The following NLGN1 variants were observed in gnomAD, a reference collection of about 807,000 sequenced individuals.
NLGN1 encodes neuroligin-1.
A neutral mutation model predicts 65.5 loss-of-function variants in NLGN1; 12 were observed. That is an observed-to-expected ratio of 0.18 (90% CI 0.12 to 0.30). NLGN1 has a LOEUF of 0.30. Ranked by LOEUF, NLGN1 falls within the 10% of genes least tolerant of loss-of-function variation. The pLI is 1.00. For missense variants in NLGN1, 750 were observed against 1,007.1 expected (o/e 0.74, Z 3.46); for synonymous variants, 350 against 359.5 (o/e 0.97, Z 0.30).
chr3:173,972,620 G>A (rs144732121), intron 4 of NLGN1, among the ~76,000 whole-genome samples: 121 of 152,176 alleles, frequency 8.0e-4, no homozygotes, highest in Admixed American at 3.3e-3. Context: ...GGAGGAAAGA[G>A]CTAAAAGAAC....
intron 4 of NLGN1, among the ~76,000 whole-genome samples, chr3:173,867,882 G>C (rs1161415636): frequency 6.6e-6 from 1 of 152,018 alleles, no homozygotes; most frequent in African/African-American, 2.4e-5. Flanking sequence ...GCTTTTTGTT[G>C]TTGTTTGAAT....
chr3:173,898,936 C>A (rs766790351), intron 4 of NLGN1, among the ~76,000 whole-genome samples: 6 of 151,934 alleles, frequency 3.9e-5, no homozygotes, highest in Admixed American at 6.6e-5. Flanking sequence ...AACACCAAAA[C>A]AATAGCAATA....
chr3:173,700,588 T>G (rs1049033872), intron 3 of NLGN1, among the ~76,000 whole-genome samples: 6 of 152,248 alleles, frequency 3.9e-5, no homozygotes, highest in Non-Finnish European at 7.3e-5. Context: ...TACACATAAT[T>G]AAATGCCTGT....
At chr3:173,460,741 A>G (rs1489548936) in intron 2 of NLGN1, among the ~76,000 whole-genome samples, 1 of 152,116 alleles carries the variant, frequency 6.6e-6, no homozygotes, top group Non-Finnish European at 1.5e-5. Context: ...TGGTAAGGAA[A>G]TTGTAATTTG....
At chr3:173,608,056 A>G (rs1451070513) in intron 3 of NLGN1, among the ~76,000 whole-genome samples, 1 of 151,866 alleles carries the variant, frequency 6.6e-6, no homozygotes, top group Non-Finnish European at 1.5e-5. Context: ...AGAACTTATA[A>G]TCAAACAACT....
chr3:174,273,687 T>G (rs1749929339), intron 4 of NLGN1, among the ~76,000 whole-genome samples: 1 of 151,748 alleles, frequency 6.6e-6, no homozygotes, highest in Admixed American at 6.6e-5. Context: ...AACTTTAGTC[T>G]TAAGGAAAGT....
chr3:174,234,305 C>T (rs1022356998), intron 4 of NLGN1, among the ~76,000 whole-genome samples: 2 of 152,116 alleles, frequency 1.3e-5, no homozygotes, highest in South Asian at 2.1e-4. Context: ...TGGGGTTTTA[C>T]GTGTCGGCAT....
intron 3 of NLGN1, among the ~76,000 whole-genome samples, chr3:173,704,536 T>G (rs2149901460): frequency 6.6e-6 from 1 of 152,312 alleles, no homozygotes; most frequent in East Asian, 1.9e-4. Flanking sequence ...GAGACCCAAC[T>G]GGTGAGATCT....
intron 4 of NLGN1, among the ~76,000 whole-genome samples, chr3:173,937,853 A>G (rs1560676451): frequency 6.6e-6 from 1 of 152,192 alleles, no homozygotes; most frequent in East Asian, 1.9e-4. Flanking sequence ...GAAGATATAC[A>G]TTAGTGTTTA....
At chr3:173,413,315 T>A (rs1489019074) in intron 1 of NLGN1, among the ~76,000 whole-genome samples, 1 of 152,146 alleles carries the variant, frequency 6.6e-6, no homozygotes, top group Admixed American at 6.5e-5. Context: ...AAAATGAGAC[T>A]TCTCGGCCGG....
chr3:173,881,677 C>T (rs966317697), intron 4 of NLGN1, among the ~76,000 whole-genome samples: 7 of 151,682 alleles, frequency 4.6e-5, no homozygotes, highest in South Asian at 2.1e-4. Flanking sequence ...CCACCCACCT[C>T]GGCCTCCCAA....
At chr3:173,899,735 T>C (rs543479021) in intron 4 of NLGN1, among the ~76,000 whole-genome samples, 1 of 152,244 alleles carries the variant, frequency 6.6e-6, no homozygotes, top group South Asian at 2.1e-4. Context: ...TGAGTAGTTA[T>C]CAAACATTAT....
At chr3:173,818,892 G>GTTTTTTTTTTTTTTTTTT (rs1224307666) in intron 4 of NLGN1, among the ~76,000 whole-genome samples, 1 of 21,312 alleles carries the variant, frequency 4.7e-5, no homozygotes, top group African/African-American at 2.7e-4. Flanking sequence ...CCTTTGAATA[G>GTTTTTTTTTTTTTTTTTT]TTCTTTTTTT....
intron 4 of NLGN1, among the ~76,000 whole-genome samples, chr3:173,996,711 A>C (rs1218815736): frequency 6.6e-6 from 1 of 151,958 alleles, no homozygotes; most frequent in Non-Finnish European, 1.5e-5. Context: ...TGTTCTGAGA[A>C]CTACACTTTG....
chr3:174,224,588 A>T (rs376730213), intron 4 of NLGN1, among the ~76,000 whole-genome samples: 14 of 152,240 alleles, frequency 9.2e-5, no homozygotes, highest in African/African-American at 2.4e-4. Flanking sequence ...AATCCCAGCT[A>T]CTCGGGAGGC....
At chr3:174,020,495 A>G (rs1333867087) in intron 4 of NLGN1, among the ~76,000 whole-genome samples, 3 of 152,132 alleles carry the variant, frequency 2.0e-5, no homozygotes, top group African/African-American at 7.2e-5. Flanking sequence ...TACCTAATTT[A>G]AAAAACATTG....
At chr3:174,189,037 A>G (rs528338399) in intron 4 of NLGN1, among the ~76,000 whole-genome samples, 1 of 152,130 alleles carries the variant, frequency 6.6e-6, no homozygotes, top group Admixed American at 6.6e-5. Context: ...TCCTCTTTTC[A>G]CAATGATTAG....
chr3:174,257,684 A>G (rs1428203898), intron 4 of NLGN1, among the ~76,000 whole-genome samples: 1 of 151,940 alleles, frequency 6.6e-6, no homozygotes, highest in East Asian at 1.9e-4. Context: ...TACATGTTGT[A>G]TTAATCAGAG....
intron 2 of NLGN1, among the ~76,000 whole-genome samples, chr3:173,442,404 C>T (rs1186286560): frequency 1.3e-5 from 2 of 152,118 alleles, no homozygotes; most frequent in Admixed American, 6.5e-5. Flanking sequence ...GGTTTCATCT[C>T]TCCTTTTAAT....
Sources: allele counts gnomAD v4.1 joint callset (sites outside exome capture counted in the v4.1 genomes callset), GRCh38; gene constraint gnomAD v4.1.1; transcripts MANE v1.5; gene names NCBI Gene and HGNC (gene_info 2026-07-23, HGNC 2026-07-21).